PMPCA: variants seen among roughly 807,000 people sequenced by gnomAD.
PMPCA encodes the protein mitochondrial-processing peptidase subunit alpha.
A neutral mutation model predicts 59.3 loss-of-function variants in PMPCA; 47 were observed. The ratio of observed to expected loss-of-function variants is 0.79; its 90% CI spans 0.63 to 1.01. The LOEUF (loss-of-function observed/expected upper bound fraction) is 1.01, where lower values mean the gene tolerates loss of function less well. Ranked by LOEUF, PMPCA falls within the 50% of genes least tolerant of loss-of-function variation. The pLI is 0.00. For missense variants in PMPCA, 726 were observed against 704.5 expected (o/e 1.03, Z -0.34); for synonymous variants, 338 against 290.3 (o/e 1.16, Z -1.67).
At chr9:136,413,486 G>T (rs559357126) in intron 4 of PMPCA, among the ~76,000 whole-genome samples, 1 of 152,160 alleles carries the variant, frequency 6.6e-6, no homozygotes, top group Non-Finnish European at 1.5e-5. Flanking sequence ...ATAGATCACA[G>T]ATTTTTAAAA....
intron 11 of PMPCA, among the ~76,000 whole-genome samples, chr9:136,421,601 A>G (rs1263372647): frequency 6.6e-6 from 1 of 151,730 alleles, no homozygotes; most frequent in African/African-American, 2.4e-5. Context: ...TTTAGTAGAG[A>G]AGGGGTTTCA....
rs1461788251 is a variant in PMPCA at position 136,419,079 on chromosome 9, T to C, written c.1236T>C (p.Phe412=). The C allele has an allele frequency of 6.2e-7, 1 of 1,613,996 alleles. No homozygotes were observed. Among genetic ancestry groups the C allele is most frequent in the Admixed American group, 1.7e-5 (1 of 60,012 alleles). The change falls in exon 11 of 13, where the codon TTT becomes TTC. Residue 412 remains phenylalanine (F), a synonymous_variant. Coordinates refer to ENST00000371717, the MANE Select transcript of PMPCA (RefSeq NM_015160.3). ...TGGTAGAAATCATCACAAAGGAGTT[T>C]ATTTTAATGGGCGGAACCGTGGACA... ...REMVEIITKE[F]ILMGGTVDTV...
intron 7 of PMPCA, 140 bp from the exon 8 acceptor site, chr9:136,417,877 T>A: frequency 1.4e-6 from 1 of 703,024 alleles, no homozygotes; most frequent in East Asian, 2.6e-5. Flanking sequence ...CCTCCCAAAG[T>A]GCTGGGATTT....
At chr9:136,410,822 G>A in intron 1 of PMPCA, 83 bp downstream of exon 1, 2 of 1,151,254 alleles carry the variant, frequency 1.7e-6, no homozygotes, top group Non-Finnish European at 2.3e-6. Context: ...GTTTCTACAG[G>A]TGACATGGCG....
chr9:136,414,439 T>A (rs1392394794), intron 4 of PMPCA, 114 bp from the exon 5 acceptor site: 1 of 727,442 alleles, frequency 1.4e-6, no homozygotes, highest in African/African-American at 1.7e-5. Flanking sequence ...TTGAGCAGAG[T>A]GTGAGCTCAG....
chr9:136,414,314 T>TG (rs1332030307), intron 4 of PMPCA, among the ~76,000 whole-genome samples: 1 of 152,160 alleles, frequency 6.6e-6, no homozygotes, highest in Non-Finnish European at 1.5e-5. Context: ...TGTTCCCCGA[T>TG]GAAGGGTAGG....
At chr9:136,411,679 G>A (rs1259687169) in intron 1 of PMPCA, among the ~76,000 whole-genome samples, 1 of 152,222 alleles carries the variant, frequency 6.6e-6, no homozygotes, top group African/African-American at 2.4e-5. Flanking sequence ...CCAAGACTTC[G>A]GTGGTGCTGT....
intron 9 of PMPCA, 26 bp from the exon 10 acceptor site, chr9:136,418,802 C>G: frequency 1.3e-6 from 2 of 1,580,678 alleles, no homozygotes; most frequent in Non-Finnish European, 1.7e-6. Flanking sequence ...GTCCCCTTCA[C>G]TCCCATGACT....
chr9:136,415,508 T>G (rs1835249102), intron 5 of PMPCA, among the ~76,000 whole-genome samples: 1 of 152,218 alleles, frequency 6.6e-6, no homozygotes. Context: ...GAGGGGAACG[T>G]TGGCTTTTCC....
chr9:136,412,713 G>A (rs1217534422), intron 3 of PMPCA, 97 bp from the exon 4 acceptor site: 10 of 832,092 alleles, frequency 1.2e-5, no homozygotes, highest in South Asian at 4.5e-5. Context: ...GATAATTTTT[G>A]TATGTGTGTT....
At chr9:136,422,013 C>T in intron 12 of PMPCA, 37 bp downstream of exon 12, 4 of 1,578,786 alleles carry the variant, frequency 2.5e-6, no homozygotes, top group Non-Finnish European at 3.4e-6. Flanking sequence ...CTGCCGCAGG[C>T]CTCGGCCAGG....
intron 4 of PMPCA, 87 bp from the exon 5 acceptor site, chr9:136,414,466 C>T (rs929760905): frequency 2.3e-6 from 2 of 873,604 alleles, no homozygotes; most frequent in Non-Finnish European, 3.9e-6. Context: ...GCATTGTCCA[C>T]CTGGCACGCA....
intron 4 of PMPCA, among the ~76,000 whole-genome samples, chr9:136,413,310 G>A (rs1216943004): frequency 6.6e-6 from 1 of 152,172 alleles, no homozygotes; most frequent in Non-Finnish European, 1.5e-5. Context: ...GGGGCACAAG[G>A]CATTCCAGAC....
At position 136,412,563 on chromosome 9, in the gene PMPCA, A is replaced by G; in HGVS notation, c.348A>G (p.Ala116=). 1 of 1,567,398 alleles carries G rather than the reference A, an allele frequency of 6.4e-7. No individual in the cohort carries two copies. The highest frequency in any genetic ancestry group is 8.8e-7 in the Non-Finnish European group (1 of 1,139,700). ...TTGCTCACTTTTTGGAAAAATTGGC[A>G]TTTTCGGTCAGTACCCAGTTTTGTA... ...SGIAHFLEKL[A]FSSTARFDSK... The change falls in exon 3 of 13, where the codon GCA becomes GCG. Residue 116 remains alanine (A), a synonymous_variant. Transcript: ENST00000371717.
In PMPCA at chr9:136,412,021, GT is replaced by G; in HGVS notation, c.99del (p.Phe33LeufsTer37). ...GGTTTGGACCTCCTGCGTACAGACGGTTTAGTAGTGGTGGTGCCTATCCCAA... is the reference window on the plus strand; with the variant it reads ...GGTTTGGACCTCCTGCGTACAGACGGTTAGTAGTGGTGGTGCCTATCCCAA... ...LRFGPPAYRRFSSGGAYPNIP... is the reference protein window; with the variant it reads ...LRFGPPAYRRXSSGGAYPNIP... On this transcript the variant is annotated frameshift_variant, in exon 2 of 13. Coordinates refer to ENST00000371717, the MANE Select transcript of PMPCA (RefSeq NM_015160.3). LOFTEE classifies it high-confidence loss of function. The G allele has an allele frequency of 6.2e-7, 1 of 1,612,802 alleles. No homozygotes were observed. The highest frequency in any genetic ancestry group is 8.5e-7 in the Non-Finnish European group (1 of 1,178,884).
rs1172447345 is a variant in PMPCA, at chr9:136,412,098, C to T, written c.173C>T (p.Thr58Ile). 2 of 1,613,038 alleles carry T rather than the reference C, an allele frequency of 1.2e-6. No homozygotes were observed. The highest frequency in any genetic ancestry group is 8.5e-7 in the Non-Finnish European group (1 of 1,179,140). Residue 58 changes from threonine to isoleucine, a missense_variant, in exon 2 of 13, where the codon ACA becomes ATA. Physicochemically the swap from Thr to Ile is moderately conservative, Grantham distance 89. Coordinates refer to ENST00000371717, the MANE Select transcript of PMPCA (RefSeq NM_015160.3). ...GGAGTACCCAAGCCTGTTTTTGCTA[C>T]AGTTGATGGACAGGAAAAGTTTGAA... ...LPGVPKPVFATVDGQEKFETK... is the reference protein window; with the variant it reads ...LPGVPKPVFAIVDGQEKFETK...
chr9:136,419,292 G>C, intron 11 of PMPCA, 186 bp downstream of exon 11: 4 of 673,094 alleles, frequency 5.9e-6, no homozygotes, highest in South Asian at 4.7e-5. Flanking sequence ...CTGGGAGCCC[G>C]CTGAGGCTGT....
rs951059625 is a variant in PMPCA at position 136,423,640 on chromosome 9, G to C, written c.*376G>C. On this transcript the variant is annotated 3_prime_UTR_variant, in exon 13 of 13. Coordinates refer to ENST00000371717, the MANE Select transcript of PMPCA (RefSeq NM_015160.3). ...ATCAAAGCCTCCCGGAGGCCACCGT[G>C]CTGGGTACCAGGACTCACCTCTGAC... 4.2e-6 allele frequency: 1 copy of C among 239,850 alleles called. No individual in the cohort carries two copies. Among genetic ancestry groups the C allele is most frequent in the African/African-American group, 2.2e-5 (1 of 45,474 alleles). 14.9% of individuals were successfully genotyped at this position (239,850 alleles called of 1,614,324 possible).
intron 6 of PMPCA, 134 bp from the exon 7 acceptor site, chr9:136,416,817 C>T (rs1324132918): frequency 2.1e-5 from 15 of 727,992 alleles, no homozygotes; most frequent in Non-Finnish European, 3.2e-5. Flanking sequence ...CTGCTATTGC[C>T]AGAGTGCAAG....
Sources: allele counts gnomAD v4.1 joint callset (sites outside exome capture counted in the v4.1 genomes callset), GRCh38; gene constraint gnomAD v4.1.1; transcripts MANE v1.5; gene names NCBI Gene and HGNC (gene_info 2026-07-23, HGNC 2026-07-21).